Variants in FABP12 observed in about 807,000 individuals in gnomAD.
The protein encoded by FABP12 is fatty acid-binding protein 12.
In FABP12, 19 loss-of-function variants were observed where a neutral mutation model predicts 13.7. The observed-to-expected ratio is 1.39, with a 90% CI of 0.97 to 2.04. The LOEUF is 2.04. Ranked by LOEUF, FABP12 falls within the 30% of genes most tolerant of loss-of-function variation. FABP12 has a pLI of 0.00. For synonymous variants in FABP12, 61 were observed against 57.0 expected (o/e 1.07, Z -0.32); for missense variants, 182 against 164.2 (o/e 1.11, Z -0.59).
Position 81,525,136 on chromosome 8 carries a change from A to T in FABP12, c.349-16T>A. ...CAGTACTTTCCTACAAGACAAAAGA[A>T]ATATGAGGTATTTCAGTATAGTTAG... On this transcript the variant is annotated splice_polypyrimidine_tract_variant and intron_variant, in intron 4 of 4. Transcript: ENST00000360464. The T allele has an allele frequency of 2.7e-6, 4 of 1,492,044 alleles. No individual in the cohort carries two copies. Among genetic ancestry groups the T allele is most frequent in the Non-Finnish European group, 3.7e-6 (4 of 1,083,902 alleles). 92.4% of individuals were successfully genotyped at this position (1,492,044 alleles called of 1,614,324 possible). A position where few individuals can be genotyped will look rare whatever the true frequency, so the allele number is the denominator to read the frequency against.
At chr8:81,531,712 G>C (rs1434056961) in intron 1 of FABP12, among the ~76,000 whole-genome samples, 1 of 152,156 alleles carries the variant, frequency 6.6e-6, no homozygotes. Context: ...CTCTCTCTCT[G>C]TCTGTCCAAA....
At chr8:81,526,970 A>G (rs752314681) in intron 4 of FABP12, 50 bp downstream of exon 4, 4 of 1,050,982 alleles carry the variant, frequency 3.8e-6, no homozygotes, top group Non-Finnish European at 4.3e-6. Context: ...TTGTGATTTT[A>G]TATTAGTCGT....
intron 1 of FABP12, among the ~76,000 whole-genome samples, chr8:81,584,124 T>C (rs57015301): frequency 0.017 from 2,641 of 152,222 alleles, 60 homozygotes; most frequent in African/African-American, 0.058. Flanking sequence ...AAAAAGCATT[T>C]GATAAAATTC....
intron 1 of FABP12, among the ~76,000 whole-genome samples, chr8:81,577,361 T>G (rs1392392277): frequency 1.3e-5 from 2 of 152,218 alleles, no homozygotes; most frequent in Non-Finnish European, 2.9e-5. Flanking sequence ...CAAGAATATG[T>G]TGTATTAATT....
At chr8:81,526,386 T>A (rs557257316) in intron 4 of FABP12, 1 of 152,262 alleles carries the variant, frequency 6.6e-6, no homozygotes, top group African/African-American at 2.4e-5. Context: ...CTATAAAATA[T>A]AGAGTGTTCA....
chr8:81,538,439 T>C (rs1809275913), upstream of FABP12, among the ~76,000 whole-genome samples: 1 of 152,220 alleles, frequency 6.6e-6, no homozygotes, highest in African/African-American at 2.4e-5. Flanking sequence ...TAATTAAGGA[T>C]CTCAGGTTGA....
intron 1 of FABP12, among the ~76,000 whole-genome samples, chr8:81,584,034 A>C (rs2130109486): frequency 6.6e-6 from 1 of 152,370 alleles, no homozygotes; most frequent in Non-Finnish European, 1.5e-5. Flanking sequence ...AGATTGTTCA[A>C]CTACACAAAT....
intron 1 of FABP12, among the ~76,000 whole-genome samples, chr8:81,564,062 C>T (rs1229085562): frequency 1.3e-5 from 2 of 151,996 alleles, no homozygotes; most frequent in East Asian, 1.9e-4. Flanking sequence ...AAACAAATAA[C>T]ATGGTGTTGC....
upstream of FABP12, among the ~76,000 whole-genome samples, chr8:81,535,516 G>A (rs915271898): frequency 7.9e-5 from 12 of 152,152 alleles, no homozygotes; most frequent in Non-Finnish European, 4.4e-5. Context: ...ATGACTTCTG[G>A]AGGAATCCAC....
upstream of FABP12, among the ~76,000 whole-genome samples, chr8:81,537,951 T>C (rs1049736536): frequency 6.6e-6 from 1 of 152,166 alleles, no homozygotes; most frequent in Non-Finnish European, 1.5e-5. Context: ...TGGTAACTTA[T>C]AAAGAAAAGT....
chr8:81,575,851 G>T (rs2130087577), intron 1 of FABP12, among the ~76,000 whole-genome samples: 1 of 152,262 alleles, frequency 6.6e-6, no homozygotes, highest in Middle Eastern at 3.4e-3. Context: ...AACTGCTCAT[G>T]TGAGGGATCT....
At chr8:81,564,903 TA>T (rs34066470) in intron 1 of FABP12, among the ~76,000 whole-genome samples, 1 of 151,806 alleles carries the variant, frequency 6.6e-6, no homozygotes, top group Non-Finnish European at 1.5e-5. Flanking sequence ...CTGAGTGGAT[TA>T]AAAAACAGGA....
chr8:81,537,113 T>C (rs1346106058), upstream of FABP12, among the ~76,000 whole-genome samples: 1 of 152,216 alleles, frequency 6.6e-6, no homozygotes, highest in Non-Finnish European at 1.5e-5. Flanking sequence ...ATTTATGCCA[T>C]GGATAATGCC....
At chr8:81,548,036 C>T (rs927634759) in intron 1 of FABP12, among the ~76,000 whole-genome samples, 11 of 152,128 alleles carry the variant, frequency 7.2e-5, no homozygotes, top group African/African-American at 2.7e-4. Flanking sequence ...CAGAGATATA[C>T]CATGATACCA....
At chr8:81,525,226 G>T in intron 4 of FABP12, 106 bp from the exon 5 acceptor site, 1 of 769,938 alleles carries the variant, frequency 1.3e-6, no homozygotes, top group Non-Finnish European at 2.1e-6. Flanking sequence ...TAAAAATATT[G>T]AAAGAGAGGC....
At chr8:81,535,813 T>A (rs771891564), upstream of FABP12, among the ~76,000 whole-genome samples, 3 of 152,152 alleles carry the variant, frequency 2.0e-5, no homozygotes, top group African/African-American at 7.2e-5. Context: ...GGATTCTGGG[T>A]CTGAAAATTG....
chr8:81,573,104 C>T (rs1466387836), intron 1 of FABP12, among the ~76,000 whole-genome samples: 1 of 152,194 alleles, frequency 6.6e-6, no homozygotes, highest in African/African-American at 2.4e-5. Context: ...AGTCCTTAAT[C>T]CATCTTGAAT....
chr8:81,531,661 T>C (rs983753536), intron 1 of FABP12, among the ~76,000 whole-genome samples: 5 of 152,168 alleles, frequency 3.3e-5, no homozygotes, highest in Admixed American at 2.0e-4. Context: ...GAGCTGGGCC[T>C]GGACAGCTGT....
intron 1 of FABP12, among the ~76,000 whole-genome samples, chr8:81,548,547 A>G (rs1394896958): frequency 6.6e-6 from 1 of 152,172 alleles, no homozygotes; most frequent in African/African-American, 2.4e-5. Context: ...CCTTTGACTA[A>G]AGAAATGTTT....
Sources: gnomAD v4.1 joint callset for allele counts (sites outside exome capture counted in the v4.1 genomes callset) on GRCh38, gnomAD v4.1.1 for gene constraint, MANE v1.5 for transcripts, NCBI Gene and HGNC (gene_info 2026-07-23, HGNC 2026-07-21) for gene names.